The following RASSF8 variants were observed in gnomAD, a reference collection of about 807,000 sequenced individuals.
RASSF8 encodes Ras association domain family member 8.
Under a neutral mutation model 48.5 loss-of-function variants are expected in RASSF8, and 22 were observed. That is an observed-to-expected ratio of 0.45 (90% CI 0.32 to 0.65). RASSF8 has a LOEUF of 0.65. Ranked by LOEUF, RASSF8 falls within the 30% of genes least tolerant of loss-of-function variation. The pLI is 0.03. For missense variants in RASSF8, 418 were observed against 489.2 expected (o/e 0.85, Z 1.37); for synonymous variants, 127 against 171.5 (o/e 0.74, Z 2.03).
intron 2 of RASSF8, among the ~76,000 whole-genome samples, chr12:26,036,185 G>A (rs1052859445): frequency 2.6e-5 from 4 of 151,354 alleles, no homozygotes; most frequent in Non-Finnish European, 4.4e-5. Context: ...CATGTTCCTC[G>A]CTAACTTCTG....
chr12:26,045,289 A>G (rs1167342897), intron 2 of RASSF8, among the ~76,000 whole-genome samples: 6 of 152,174 alleles, frequency 3.9e-5, no homozygotes, highest in Non-Finnish European at 8.8e-5. Flanking sequence ...TTATCAACTG[A>G]ATAAGTATAG....
intron 1 of RASSF8, among the ~76,000 whole-genome samples, chr12:25,967,784 A>C (rs1382067143): frequency 6.6e-6 from 1 of 152,236 alleles, no homozygotes; most frequent in Non-Finnish European, 1.5e-5. Context: ...ACTGGGAGGC[A>C]GGACAGGCCT....
At position 26,017,648 on chromosome 12, in the gene RASSF8, C is replaced by T. The variant is rs78292473; in HGVS notation, c.-109+22518C>T. Among the ~76,000 whole-genome samples the T allele has an allele frequency of 2.8e-3, 429 of 152,304 alleles. 3 individuals are homozygous for T. Among genetic ancestry groups the T allele is most frequent in the African/African-American group, 1.0e-2 (415 of 41,576 alleles). On this transcript the variant is annotated intron_variant, in intron 2 of 5. Coordinates refer to ENST00000689635, the MANE Select transcript of RASSF8 (RefSeq NM_001394098.1). ...CACCCAAGGTGAGTGTTGAGGGAAC[C>T]TGCTGGTTGCTGCTGGCTCTTGTAC...
chr12:26,071,572 G>C lies in RASSF8; in HGVS notation c.*2754G>C, dbSNP rs576877056. On this transcript the variant is annotated 3_prime_UTR_variant, in exon 6 of 6. Coordinates refer to ENST00000689635, the MANE Select transcript of RASSF8 (RefSeq NM_001394098.1). ...GAGAATGGCCCATAGTGTGTTGCCTGTGGACATAGTGTCCATAGTCCCTTT... is the reference window on the plus strand; with the variant it reads ...GAGAATGGCCCATAGTGTGTTGCCTCTGGACATAGTGTCCATAGTCCCTTT... 6.8e-5 allele frequency: 67 copies of C among 982,988 alleles called. No individual in the cohort carries two copies. Among genetic ancestry groups the C allele is most frequent in the Non-Finnish European group, 8.0e-5 (66 of 827,884 alleles). 60.9% of individuals were successfully genotyped at this position (982,988 alleles called of 1,614,324 possible). A position where few individuals can be genotyped will look rare whatever the true frequency, so the allele number is the denominator to read the frequency against.
At chr12:26,038,359 G>A (rs533872893) in intron 2 of RASSF8, among the ~76,000 whole-genome samples, 10 of 152,124 alleles carry the variant, frequency 6.6e-5, no homozygotes, top group African/African-American at 1.9e-4. Flanking sequence ...TATGAGCACC[G>A]TAGATCCTGC....
chr12:26,032,752 A>T (rs531333815), intron 2 of RASSF8, among the ~76,000 whole-genome samples: 1 of 152,326 alleles, frequency 6.6e-6, no homozygotes, highest in Non-Finnish European at 1.5e-5. Flanking sequence ...AGCAGGAATC[A>T]TAATGGGAAT....
chr12:26,022,652 AAT>A (rs1349465775), intron 2 of RASSF8, among the ~76,000 whole-genome samples: 1 of 152,194 alleles, frequency 6.6e-6, no homozygotes, highest in Non-Finnish European at 1.5e-5. Flanking sequence ...ATTATAAAAA[AAT>A]TATAAAAAAG....
chr12:26,072,812 CAAAG>C lies in RASSF8; in HGVS notation c.*3997_*4000del, dbSNP rs1944026751. 1 of 915,212 alleles carries C rather than the reference CAAAG, an allele frequency of 1.1e-6. No individual in the cohort carries two copies. Among genetic ancestry groups the C allele is most frequent in the South Asian group, 5.0e-5 (1 of 19,828 alleles). 56.7% of individuals were successfully genotyped at this position (915,212 alleles called of 1,614,324 possible). ...TTTCTGATCATTATGAGCTGTAAAACAAAGAATCAATATTGGATATTCTCCCAAA... is the reference window on the plus strand; with the variant it reads ...TTTCTGATCATTATGAGCTGTAAAACAATCAATATTGGATATTCTCCCAAA... On this transcript the variant is annotated 3_prime_UTR_variant, in exon 6 of 6. Transcript: ENST00000689635.
At chr12:26,052,746 A>C (rs559176848) in intron 2 of RASSF8, 18 of 152,296 alleles carry the variant, frequency 1.2e-4, no homozygotes, top group Admixed American at 1.0e-3. Flanking sequence ...GGATCATGTC[A>C]TCTGCAAAGA....
chr12:26,047,450 A>G (rs1433547359), intron 2 of RASSF8, among the ~76,000 whole-genome samples: 1 of 152,318 alleles, frequency 6.6e-6, no homozygotes, highest in African/African-American at 2.4e-5. Context: ...GGGCCCTTTA[A>G]TATATGTAAA....
At chr12:25,965,367 T>TC (rs1047209510) in intron 1 of RASSF8, among the ~76,000 whole-genome samples, 3 of 145,544 alleles carry the variant, frequency 2.1e-5, no homozygotes, top group African/African-American at 7.9e-5. Context: ...AAATTTCTTT[T>TC]TTTTTTTTTT....
At chr12:25,963,661 C>G (rs6487520) in intron 1 of RASSF8, among the ~76,000 whole-genome samples, 12,683 of 152,198 alleles carry the variant, frequency 0.083, 575 homozygotes, top group Middle Eastern at 0.15. Context: ...ACGTACTCCT[C>G]TGCAGTCCAC....
chr12:26,054,033 A>G (rs1158814930), intron 2 of RASSF8, among the ~76,000 whole-genome samples: 1 of 152,250 alleles, frequency 6.6e-6, no homozygotes. Flanking sequence ...AGTGTTTTTA[A>G]AATAAGCTTT....
downstream of RASSF8, among the ~76,000 whole-genome samples, chr12:26,077,596 G>T (rs1944083471): frequency 6.6e-6 from 1 of 152,050 alleles, no homozygotes; most frequent in Non-Finnish European, 1.5e-5. Flanking sequence ...TATTTCTGAG[G>T]CCTCTGTTCT....
rs114590941 is a variant in RASSF8 at position 25,975,915 on chromosome 12, T to C, written c.-203+16767T>C. ...GGAGCATGGATGTACAGAGTACCTTTGGGAAGCAGCACAGTGTCTAGACTC... is the reference window on the plus strand; with the variant it reads ...GGAGCATGGATGTACAGAGTACCTTCGGGAAGCAGCACAGTGTCTAGACTC... On this transcript the variant is annotated intron_variant, in intron 1 of 5. Coordinates refer to ENST00000689635, the MANE Select transcript of RASSF8 (RefSeq NM_001394098.1). 3.3e-3 allele frequency among the ~76,000 whole-genome samples: 505 copies of C among 152,236 alleles called. 3 individuals carry two copies. The highest frequency in any genetic ancestry group is 0.012 in the African/African-American group (479 of 41,524).
intron 2 of RASSF8, among the ~76,000 whole-genome samples, chr12:26,047,522 C>G (rs1036009477): frequency 1.3e-5 from 2 of 152,202 alleles, no homozygotes; most frequent in Non-Finnish European, 2.9e-5. Context: ...AAGACTGGCT[C>G]TGCCGTCACC....
chr12:25,997,696 A>G (rs1942164470), intron 2 of RASSF8, among the ~76,000 whole-genome samples: 1 of 152,142 alleles, frequency 6.6e-6, no homozygotes, highest in Non-Finnish European at 1.5e-5. Flanking sequence ...CATTTTCTGT[A>G]ATTTAAGTTG....
chr12:26,043,056 G>A (rs545188998), intron 2 of RASSF8, among the ~76,000 whole-genome samples: 1 of 151,890 alleles, frequency 6.6e-6, no homozygotes, highest in African/African-American at 2.4e-5. Context: ...TATATTATTC[G>A]ACAAACACAC....
At chr12:25,973,310 A>G (rs1368776635) in intron 1 of RASSF8, among the ~76,000 whole-genome samples, 2 of 152,056 alleles carry the variant, frequency 1.3e-5, no homozygotes, top group Non-Finnish European at 2.9e-5. Context: ...GGGAATTGAG[A>G]AGATAAATTG....
Sources: allele counts gnomAD v4.1 joint callset (sites outside exome capture counted in the v4.1 genomes callset), GRCh38; gene constraint gnomAD v4.1.1; transcripts MANE v1.5; gene names NCBI Gene and HGNC (gene_info 2026-07-23, HGNC 2026-07-21).